AMOTL1: variants seen among roughly 807,000 people sequenced by gnomAD.
AMOTL1 encodes the protein angiomotin like 1.
AMOTL1 carries 45 observed loss-of-function variants against 102.9 expected under a neutral mutation model. The observed-to-expected ratio is 0.44, with a 90% CI of 0.34 to 0.56. The LOEUF is 0.56. Among genes scored for constraint, AMOTL1 ranks in the 20% least tolerant of loss-of-function variants. The pLI, the probability that AMOTL1 is intolerant of heterozygous loss-of-function variation, is 0.01. For synonymous variants in AMOTL1, 481 were observed against 484.7 expected (o/e 0.99, Z 0.10); for missense variants, 1,114 against 1,225.6 (o/e 0.91, Z 1.36).
chr11:94,740,595 A>T (rs538156353), intron 2 of AMOTL1, among the ~76,000 whole-genome samples: 100 of 151,044 alleles, frequency 6.6e-4, no homozygotes, highest in African/African-American at 2.3e-3. Context: ...CCCGGCAGAC[A>T]GAGCAATGCG....
chr11:94,865,003 A>G, intron 10 of AMOTL1, 143 bp downstream of exon 10: 1 of 1,231,422 alleles, frequency 8.1e-7, no homozygotes, highest in Admixed American at 2.9e-5. Context: ...TGTGCCATGG[A>G]GAGAAGGAAA....
intron 1 of AMOTL1, among the ~76,000 whole-genome samples, chr11:94,709,209 T>A (rs1949981559): frequency 6.6e-6 from 1 of 152,148 alleles, no homozygotes; most frequent in Admixed American, 6.5e-5. Flanking sequence ...AGAGACTTGG[T>A]TGACCAATAG....
rs531201379 is a variant in AMOTL1 at position 94,719,060 on chromosome 11, TA to T, written c.-50-9854del. 6.6e-5 allele frequency among the ~76,000 whole-genome samples: 10 copies of T among 152,074 alleles called. No individual in the cohort carries two copies. In the South Asian group the frequency reaches 1.9e-3, roughly 28 times the overall value. On this transcript the variant is annotated intron_variant, in intron 1 of 4. Coordinates refer to the AMOTL1 transcript ENST00000299004. ...TATATGCTGTGAATAGGAATCCACT[TA>T]AAAAAATGAATAGACAATTGTCCCA...
rs116264823 is a variant in AMOTL1 at position 94,835,610 on chromosome 11, T to C, written c.1648+4069T>C. 2.2e-3 allele frequency among the ~76,000 whole-genome samples: 331 copies of C among 152,346 alleles called. 4 individuals are homozygous for C. The highest frequency in any genetic ancestry group is 7.3e-3 in the African/African-American group (303 of 41,580). On this transcript the variant is annotated intron_variant, in intron 6 of 12. Coordinates refer to ENST00000433060, the MANE Select transcript of AMOTL1 (RefSeq NM_130847.3). ...TTATGTTGGAGCTTTGTTGTATTCTTGAATTGAGTGGGACCTGATTAGCTC... is the reference window on the plus strand; with the variant it reads ...TTATGTTGGAGCTTTGTTGTATTCTCGAATTGAGTGGGACCTGATTAGCTC...
chr11:94,723,595 T>C (rs948488134), intron 1 of AMOTL1, among the ~76,000 whole-genome samples: 5 of 152,108 alleles, frequency 3.3e-5, no homozygotes, highest in Admixed American at 6.5e-5. Flanking sequence ...TCTGAAATAA[T>C]GGTTTCCAAG....
At chr11:94,769,576 C>G (rs1484969886) in intron 1 of AMOTL1, among the ~76,000 whole-genome samples, 1 of 152,228 alleles carries the variant, frequency 6.6e-6, no homozygotes, top group Non-Finnish European at 1.5e-5. Context: ...GAAGACTTTC[C>G]TTTTCCATTT....
At chr11:94,816,043 T>C (rs1025794923) in intron 3 of AMOTL1, among the ~76,000 whole-genome samples, 10 of 152,204 alleles carry the variant, frequency 6.6e-5, no homozygotes, top group African/African-American at 2.2e-4. Context: ...AAAACACTTA[T>C]GCACTAAAGA....
intron 3 of AMOTL1, among the ~76,000 whole-genome samples, chr11:94,762,896 G>A (rs947741325): frequency 3.3e-5 from 5 of 152,150 alleles, no homozygotes; most frequent in African/African-American, 1.2e-4. Flanking sequence ...GGTGTGAAAC[G>A]AAAAACATCC....
At chr11:94,790,185 A>G (rs1489738954) in intron 1 of AMOTL1, among the ~76,000 whole-genome samples, 3 of 152,180 alleles carry the variant, frequency 2.0e-5, no homozygotes, top group Non-Finnish European at 2.9e-5. Flanking sequence ...GAATACCGCC[A>G]TGTTCTTGCC....
At chr11:94,853,460 C>T (rs184092819) in intron 7 of AMOTL1, among the ~76,000 whole-genome samples, 1 of 152,292 alleles carries the variant, frequency 6.6e-6, no homozygotes, top group East Asian at 1.9e-4. Flanking sequence ...TCATCCATGT[C>T]CCTACAGAGG....
intron 6 of AMOTL1, among the ~76,000 whole-genome samples, chr11:94,833,892 G>T (rs1391864815): frequency 6.6e-6 from 1 of 152,214 alleles, no homozygotes; most frequent in African/African-American, 2.4e-5. Context: ...CAGCTGGATG[G>T]ATGATCACCC....
intron 6 of AMOTL1, among the ~76,000 whole-genome samples, chr11:94,849,063 C>T (rs1168666204): frequency 6.6e-6 from 1 of 152,158 alleles, no homozygotes; most frequent in East Asian, 1.9e-4. Flanking sequence ...CCATTTCTAA[C>T]TACTATTGTT....
intron 2 of AMOTL1, among the ~76,000 whole-genome samples, chr11:94,798,018 A>T (rs919793042): frequency 5.9e-5 from 9 of 152,160 alleles, no homozygotes; most frequent in African/African-American, 2.2e-4. Flanking sequence ...TGGGAATAAG[A>T]TGAGTGTCAG....
At chr11:94,793,326 T>G (rs1210076961) in intron 1 of AMOTL1, among the ~76,000 whole-genome samples, 1 of 152,128 alleles carries the variant, frequency 6.6e-6, no homozygotes, top group Non-Finnish European at 1.5e-5. Context: ...GAAAGGTGTT[T>G]TGGGGTTTAG....
At chr11:94,739,187 T>C (rs896838013) in intron 2 of AMOTL1, among the ~76,000 whole-genome samples, 1 of 152,060 alleles carries the variant, frequency 6.6e-6, no homozygotes, top group African/African-American at 2.4e-5. Context: ...GAAAGAAACA[T>C]TCAGAGAGGA....
At chr11:94,797,644 G>T (rs1951393334) in intron 2 of AMOTL1, among the ~76,000 whole-genome samples, 1 of 152,234 alleles carries the variant, frequency 6.6e-6, no homozygotes, top group Admixed American at 6.5e-5. Flanking sequence ...GGTAGTTTTG[G>T]AGCTATCACT....
At position 94,837,583 on chromosome 11, in the gene AMOTL1, A is replaced by G. The variant is rs1592018732; in HGVS notation, c.1648+6042A>G. 2.6e-5 allele frequency among the ~76,000 whole-genome samples: 4 copies of G among 152,212 alleles called. No individual in the cohort carries two copies. The South Asian group carries it at 8.3e-4, about 32-fold the overall frequency. The stretch of plus-strand genomic sequence containing the variant: ...CAGCACTGAGAAACTTCAGACCTAC[A>G]TGACAACCAGAAGTGCGCACAGCCT... On this transcript the variant is annotated intron_variant, in intron 6 of 12. Transcript: ENST00000433060.
chr11:94,751,722 G>A (rs1164103559), intron 3 of AMOTL1, among the ~76,000 whole-genome samples: 1 of 150,034 alleles, frequency 6.7e-6, no homozygotes, highest in Non-Finnish European at 1.5e-5. Context: ...AAAGATCAAG[G>A]AAAGAGATCT....
intron 6 of AMOTL1, among the ~76,000 whole-genome samples, chr11:94,842,549 G>A (rs886762588): frequency 1.3e-5 from 2 of 152,210 alleles, no homozygotes; most frequent in African/African-American, 4.8e-5. Context: ...TTAGGCAACA[G>A]AGTTTGAATA....
Sources: gnomAD v4.1 joint callset for allele counts (sites outside exome capture counted in the v4.1 genomes callset) on GRCh38, gnomAD v4.1.1 for gene constraint, MANE v1.5 for transcripts, NCBI Gene and HGNC (gene_info 2026-07-23, HGNC 2026-07-21) for gene names.